The following TUSC3 variants were observed in gnomAD, a reference collection of about 807,000 sequenced individuals.
TUSC3 encodes the protein tumor suppressor candidate 3.
A neutral mutation model predicts 44.8 loss-of-function variants in TUSC3; 45 were observed. The observed-to-expected ratio is 1.00, with a 90% CI of 0.79 to 1.29. The LOEUF is 1.29. Among genes scored for constraint, TUSC3 ranks in the 50% most tolerant of loss-of-function variants. The probability of loss-of-function intolerance (pLI) is 0.00; values close to 1 mark genes in which losing one functional copy is unlikely to be tolerated. For synonymous variants in TUSC3, 212 were observed against 152.9 expected (o/e 1.39, Z -2.85); for missense variants, 519 against 437.9 (o/e 1.19, Z -1.65).
At chr8:15,503,457 C>T (rs1013247235) in intron 2 of TUSC3, among the ~76,000 whole-genome samples, 1 of 151,930 alleles carries the variant, frequency 6.6e-6, no homozygotes, top group Admixed American at 6.6e-5. Flanking sequence ...CTTCTTCTGC[C>T]CTATGATCTG....
chr8:15,537,757 G>A (rs921963545), upstream of TUSC3, among the ~76,000 whole-genome samples: 9 of 152,146 alleles, frequency 5.9e-5, no homozygotes, highest in Non-Finnish European at 8.8e-5. Flanking sequence ...AAGGATTGAA[G>A]TACCATTGCT....
intron 6 of TUSC3, among the ~76,000 whole-genome samples, chr8:15,724,043 C>T (rs1169256475): frequency 6.6e-6 from 1 of 152,052 alleles, no homozygotes; most frequent in East Asian, 1.9e-4. Context: ...TGTAAATAAG[C>T]TCATGAGAGA....
At chr8:15,805,540 G>A in the TUSC3 span, among the ~76,000 whole-genome samples, 1 of 152,066 alleles carries the variant, frequency 6.6e-6, no homozygotes, top group Non-Finnish European at 1.5e-5. Context: ...TATTATGAAA[G>A]GATGTTGGAT....
chr8:15,647,455 C>G (rs1336495012), intron 2 of TUSC3, among the ~76,000 whole-genome samples: 3 of 151,926 alleles, frequency 2.0e-5, no homozygotes, highest in Non-Finnish European at 4.4e-5. Context: ...TTAATATGTT[C>G]TAGCTGTTTC....
At chr8:15,845,849 G>A in the TUSC3 span, among the ~76,000 whole-genome samples, 54,419 of 151,906 alleles carry the variant, frequency 0.36, 10,983 homozygotes, top group East Asian at 0.56. Flanking sequence ...CTGCTGTACT[G>A]GTCCATTTTA....
chr8:15,700,475 G>T (rs900341796), intron 6 of TUSC3, among the ~76,000 whole-genome samples: 1 of 152,078 alleles, frequency 6.6e-6, no homozygotes, highest in Non-Finnish European at 1.5e-5. Context: ...CTTTTCCTTA[G>T]GCTGGATATT....
At chr8:15,696,448 A>G (rs1030644507) in intron 6 of TUSC3, among the ~76,000 whole-genome samples, 1 of 152,170 alleles carries the variant, frequency 6.6e-6, no homozygotes, top group African/African-American at 2.4e-5. Context: ...GGGGTGGGGC[A>G]CTCAAGAACC....
chr8:15,649,526 G>C lies in TUSC3; in HGVS notation c.309-1171G>C, dbSNP rs1806790172. On this transcript the variant is annotated intron_variant, in intron 2 of 10. Coordinates refer to ENST00000503731, the MANE Select transcript of TUSC3 (RefSeq NM_006765.4). The stretch of plus-strand genomic sequence containing the variant: ...ATGATCCTGGGAGGCGGAGCTTGCA[G>C]TGAGCCGAGATCGCGCCACTGCACT... 2.6e-5 allele frequency among the ~76,000 whole-genome samples: 4 copies of C among 151,526 alleles called. No homozygotes were observed. In the South Asian group the frequency reaches 8.3e-4, roughly 32 times the overall value.
the TUSC3 span, among the ~76,000 whole-genome samples, chr8:15,789,948 G>C: frequency 6.6e-6 from 1 of 152,070 alleles, no homozygotes; most frequent in Admixed American, 6.6e-5. Flanking sequence ...GCTGGTGGTG[G>C]TAGACAGCAA....
At chr8:15,799,550 T>C in the TUSC3 span, among the ~76,000 whole-genome samples, 1 of 152,292 alleles carries the variant, frequency 6.6e-6, no homozygotes, top group East Asian at 1.9e-4. Flanking sequence ...TGTGACCCCC[T>C]TCCCAGTTTT....
chr8:15,423,149 A>C (rs928815778), intron 1 of TUSC3, among the ~76,000 whole-genome samples: 3 of 152,172 alleles, frequency 2.0e-5, no homozygotes, highest in Admixed American at 6.5e-5. Flanking sequence ...TTCCATTTTC[A>C]CTACATTTTA....
chr8:15,516,146 C>T (rs1431310469), intron 2 of TUSC3, among the ~76,000 whole-genome samples: 3 of 152,096 alleles, frequency 2.0e-5, no homozygotes, highest in Admixed American at 6.5e-5. Context: ...GTTGAGTCAA[C>T]TGAATTTGAC....
At chr8:15,495,244 T>C (rs949918465) in intron 2 of TUSC3, among the ~76,000 whole-genome samples, 3 of 152,136 alleles carry the variant, frequency 2.0e-5, no homozygotes, top group Non-Finnish European at 4.4e-5. Context: ...TGGGATAAAA[T>C]ATTTGTTTTG....
chr8:15,483,329 G>C, intron 1 of TUSC3: 1 of 223,930 alleles, frequency 4.5e-6, no homozygotes, highest in Non-Finnish European at 8.9e-6. Flanking sequence ...TGTTGTTGTT[G>C]TTGTTGTTTT....
At chr8:15,537,614 A>T (rs1257551378), upstream of TUSC3, among the ~76,000 whole-genome samples, 2 of 152,162 alleles carry the variant, frequency 1.3e-5, no homozygotes, top group Non-Finnish European at 2.9e-5. Flanking sequence ...AGAGTTACAA[A>T]ATGGGAGACA....
At chr8:15,456,731 A>G (rs1015367590) in intron 1 of TUSC3, among the ~76,000 whole-genome samples, 1 of 152,156 alleles carries the variant, frequency 6.6e-6, no homozygotes. Flanking sequence ...CCACCACATT[A>G]AAAATAATTT....
chr8:15,458,640 A>G (rs971126291), intron 1 of TUSC3, among the ~76,000 whole-genome samples: 3 of 152,200 alleles, frequency 2.0e-5, no homozygotes, highest in Non-Finnish European at 4.4e-5. Flanking sequence ...TGAATCTATA[A>G]TCTGATTCTT....
chr8:15,655,478 G>C (rs1469102302), intron 3 of TUSC3, among the ~76,000 whole-genome samples: 6 of 152,246 alleles, frequency 3.9e-5, no homozygotes, highest in African/African-American at 1.4e-4. Flanking sequence ...CAAGGGGGAA[G>C]AGACAAACCC....
chr8:15,814,299 G>C, the TUSC3 span, among the ~76,000 whole-genome samples: 1 of 152,172 alleles, frequency 6.6e-6, no homozygotes, highest in African/African-American at 2.4e-5. Context: ...CTTTTTTCTA[G>C]AAGGAGGAAG....
Sources: gnomAD v4.1 joint callset for allele counts (sites outside exome capture counted in the v4.1 genomes callset) on GRCh38, gnomAD v4.1.1 for gene constraint, MANE v1.5 for transcripts, NCBI Gene and HGNC (gene_info 2026-07-23, HGNC 2026-07-21) for gene names.